The following CYP4X1 variants were observed in gnomAD, a reference collection of about 807,000 sequenced individuals.
The protein encoded by CYP4X1 is cytochrome P450 4X1.
In CYP4X1, 44 loss-of-function variants were observed where a neutral mutation model predicts 57.9. That is an observed-to-expected ratio of 0.76 (90% CI 0.60 to 0.98). The LOEUF (loss-of-function observed/expected upper bound fraction) is 0.98. CYP4X1 is among the 50% of genes least tolerant of loss of function. The probability of loss-of-function intolerance (pLI) is 0.00; values close to 1 mark genes in which losing one functional copy is unlikely to be tolerated. For synonymous variants in CYP4X1, 227 were observed against 228.6 expected, an observed-to-expected ratio of 0.99 and a Z score of 0.06; for missense variants, 532 against 623.9, an observed-to-expected ratio of 0.85 and a Z score of 1.57.
chr1:46,988,220 C>T, the CYP4X1 span, among the ~76,000 whole-genome samples: 2 of 152,064 alleles, frequency 1.3e-5, no homozygotes, highest in African/African-American at 4.8e-5. Context: ...ACTGATCCCA[C>T]AGAAATACAA....
At chr1:46,983,309 C>T in the CYP4X1 span, among the ~76,000 whole-genome samples, 1 of 152,030 alleles carries the variant, frequency 6.6e-6, no homozygotes, top group African/African-American at 2.4e-5. Flanking sequence ...TGGATGCTAG[C>T]CAAGGCCATA....
chr1:46,982,637 TA>T, the CYP4X1 span, among the ~76,000 whole-genome samples: 1 of 152,136 alleles, frequency 6.6e-6, no homozygotes, highest in Non-Finnish European at 1.5e-5. Context: ...ATTAAGAAAG[TA>T]TATTTGGTGT....
rs371588025 is a variant in CYP4X1, at chr1:47,048,640, C to G, written c.1272+11C>G. On this transcript the variant is annotated intron_variant, in intron 10 of 11. Transcript: ENST00000371901. ...TGGAAAAACCCAAAGGTATGATTCT[C>G]TCTTGTACATAAATACTTCCAAGAA... 11 of 1,607,386 alleles carry G rather than the reference C, an allele frequency of 6.8e-6. No homozygotes were observed. The African/African-American group carries it at 9.4e-5, about 14-fold the overall frequency.
the CYP4X1 span, among the ~76,000 whole-genome samples, chr1:46,972,127 C>T: frequency 6.6e-6 from 1 of 152,046 alleles, no homozygotes; most frequent in East Asian, 1.9e-4. Context: ...TGATGAAAAA[C>T]AGGGGTCCAG....
At chr1:47,012,327 A>G in the CYP4X1 span, among the ~76,000 whole-genome samples, 3 of 152,306 alleles carry the variant, frequency 2.0e-5, no homozygotes, top group South Asian at 4.1e-4. Flanking sequence ...CAAACACTGT[A>G]TGTTCTCGCT....
At chr1:46,987,305 A>T in the CYP4X1 span, among the ~76,000 whole-genome samples, 1 of 152,242 alleles carries the variant, frequency 6.6e-6, no homozygotes. Flanking sequence ...ACATAATGGC[A>T]AAGGGATCAA....
intron 9 of CYP4X1, among the ~76,000 whole-genome samples, chr1:47,047,758 C>T (rs1307946499): frequency 6.6e-6 from 1 of 151,932 alleles, no homozygotes; most frequent in Non-Finnish European, 1.5e-5. Context: ...CACACCACGC[C>T]TGGCAAATTT....
At chr1:47,054,916 TCTC>T (rs1474627890), downstream of CYP4X1, among the ~76,000 whole-genome samples, 1 of 152,102 alleles carries the variant, frequency 6.6e-6, no homozygotes, top group Non-Finnish European at 1.5e-5. Context: ...TTTATTTCCT[TCTC>T]CTGCCGGATT....
chr1:47,009,198 A>G, the CYP4X1 span, among the ~76,000 whole-genome samples: 1 of 152,198 alleles, frequency 6.6e-6, no homozygotes, highest in Admixed American at 6.5e-5. Context: ...AACAGAAATT[A>G]TAACAAACTG....
chr1:47,051,741 C>T (rs1644361275), downstream of CYP4X1, among the ~76,000 whole-genome samples: 1 of 152,190 alleles, frequency 6.6e-6, no homozygotes, highest in Non-Finnish European at 1.5e-5. Flanking sequence ...TCCTGTGTGA[C>T]TTTCCATTTT....
chr1:46,983,674 T>G, the CYP4X1 span, among the ~76,000 whole-genome samples: 1 of 152,128 alleles, frequency 6.6e-6, no homozygotes, highest in Non-Finnish European at 1.5e-5. Context: ...GCAGTTGCAG[T>G]GTTCTCAAGG....
the CYP4X1 span, among the ~76,000 whole-genome samples, chr1:46,981,896 A>G: frequency 1.3e-5 from 2 of 152,084 alleles, no homozygotes; most frequent in Admixed American, 6.5e-5. Context: ...AAAACCAAAC[A>G]CCACTTGTTC....
At chr1:46,963,855 A>C in the CYP4X1 span, among the ~76,000 whole-genome samples, 1 of 152,236 alleles carries the variant, frequency 6.6e-6, no homozygotes, top group South Asian at 2.1e-4. Flanking sequence ...ACTTGGTTCC[A>C]TTCTCCCCGT....
intron 8 of CYP4X1, among the ~76,000 whole-genome samples, chr1:47,045,449 A>G (rs1644290969): frequency 6.6e-6 from 1 of 152,216 alleles, no homozygotes; most frequent in Admixed American, 6.5e-5. Flanking sequence ...CATTTAAATC[A>G]CAAGAACAAT....
At chr1:47,039,064 A>G (rs1251005479) in intron 7 of CYP4X1, among the ~76,000 whole-genome samples, 1 of 152,142 alleles carries the variant, frequency 6.6e-6, no homozygotes, top group African/African-American at 2.4e-5. Flanking sequence ...CGTAAAAATT[A>G]TGATGATAAG....
chr1:47,006,991 C>T, the CYP4X1 span, among the ~76,000 whole-genome samples: 1 of 152,212 alleles, frequency 6.6e-6, no homozygotes, highest in African/African-American at 2.4e-5. Flanking sequence ...CTGTAGACTC[C>T]ACCACTGGGG....
At chr1:47,036,869 G>T (rs552692101) in intron 6 of CYP4X1, among the ~76,000 whole-genome samples, 20 of 152,194 alleles carry the variant, frequency 1.3e-4, no homozygotes, top group Non-Finnish European at 2.6e-4. Context: ...GCACTGAATA[G>T]ATGTTAAATG....
chr1:46,961,600 C>T, the CYP4X1 span: 5 of 1,280,692 alleles, frequency 3.9e-6, no homozygotes, highest in South Asian at 5.1e-5. Flanking sequence ...GGGGAGGAGG[C>T]CTGGACCTGT....
At position 47,031,541 on chromosome 1, in the gene CYP4X1, G is replaced by A. The variant is rs1644123866; in HGVS notation, c.364+61G>A. On this transcript the variant is annotated intron_variant, in intron 3 of 11. Transcript: ENST00000371901. ...CATTCAAAGTCCCCTTTCCATAGTA[G>A]AGCATGCCAAAGAAACTGAAATCTG... 7 of 1,568,122 alleles carry A rather than the reference G, an allele frequency of 4.5e-6. No individual in the cohort carries two copies. In the African/African-American group the frequency reaches 8.1e-5, roughly 18 times the overall value.
Sources: allele counts gnomAD v4.1 joint callset (sites outside exome capture counted in the v4.1 genomes callset), GRCh38; gene constraint gnomAD v4.1.1; transcripts MANE v1.5; gene names NCBI Gene and HGNC (gene_info 2026-07-23, HGNC 2026-07-21).